Variants in RAB3B observed in about 807,000 individuals in gnomAD.
RAB3B encodes the protein ras-related protein Rab-3B.
RAB3B carries 11 observed loss-of-function variants against 20.5 expected under a neutral mutation model. The observed-to-expected ratio is 0.54, with a 90% CI of 0.34 to 0.89. The LOEUF (loss-of-function observed/expected upper bound fraction) is 0.89. RAB3B is among the 40% of genes least tolerant of loss of function. The pLI is 0.02. For synonymous variants in RAB3B, 99 were observed against 106.3 expected (o/e 0.93, Z 0.42); for missense variants, 225 against 280.9 (o/e 0.80, Z 1.42).
At chr1:51,937,190 T>C (rs1313991390) in intron 3 of RAB3B, 104 bp downstream of exon 3, 4 of 841,494 alleles carry the variant, frequency 4.8e-6, no homozygotes, top group Non-Finnish European at 7.6e-6. Context: ...CCAGTAACCA[T>C]GTCTGATTCA....
chr1:51,945,389 C>T (rs1015234632), intron 2 of RAB3B, among the ~76,000 whole-genome samples: 12 of 152,156 alleles, frequency 7.9e-5, no homozygotes, highest in African/African-American at 2.9e-4. Flanking sequence ...AATATTACTA[C>T]ACATTTAATA....
chr1:51,944,314 T>G (rs145212503), intron 2 of RAB3B, among the ~76,000 whole-genome samples: 115 of 152,312 alleles, frequency 7.6e-4, no homozygotes, highest in African/African-American at 2.7e-3. Flanking sequence ...TTCATAATAT[T>G]CCTGCTTATT....
chr1:51,936,087 G>A (rs1684399973), intron 3 of RAB3B, among the ~76,000 whole-genome samples: 1 of 152,148 alleles, frequency 6.6e-6, no homozygotes, highest in South Asian at 2.1e-4. Flanking sequence ...TCACCATTAG[G>A]CAAAAGGGAG....
chr1:51,974,759 A>G (rs1684984726), intron 2 of RAB3B, among the ~76,000 whole-genome samples: 1 of 152,236 alleles, frequency 6.6e-6, no homozygotes, highest in Non-Finnish European at 1.5e-5. Context: ...CCTGCAAAAC[A>G]GGAGTGTATT....
At chr1:51,985,129 C>T (rs1344586482) in intron 1 of RAB3B, among the ~76,000 whole-genome samples, 4 of 152,186 alleles carry the variant, frequency 2.6e-5, no homozygotes, top group Non-Finnish European at 4.4e-5. Flanking sequence ...AAGAGTAGTA[C>T]TATACGTAAA....
intron 1 of RAB3B, among the ~76,000 whole-genome samples, chr1:51,989,903 C>T (rs2124326694): frequency 1.3e-5 from 2 of 150,768 alleles, no homozygotes; most frequent in East Asian, 2.0e-4. Context: ...CCATAAATGA[C>T]CCTCTTTCGA....
At chr1:51,921,117 G>T (rs1408622095) in intron 4 of RAB3B, among the ~76,000 whole-genome samples, 1 of 152,168 alleles carries the variant, frequency 6.6e-6, no homozygotes, top group Non-Finnish European at 1.5e-5. Flanking sequence ...ATCTTGGTCA[G>T]CTTGGTGGCA....
chr1:51,929,743 C>T (rs1164538369), intron 4 of RAB3B, among the ~76,000 whole-genome samples: 1 of 152,146 alleles, frequency 6.6e-6, no homozygotes, highest in Non-Finnish European at 1.5e-5. Context: ...ACATACCATA[C>T]AATTCACCCA....
chr1:51,948,037 T>C (rs1194413242), intron 2 of RAB3B, among the ~76,000 whole-genome samples: 1 of 152,212 alleles, frequency 6.6e-6, no homozygotes, highest in Non-Finnish European at 1.5e-5. Flanking sequence ...TAAATCTAAT[T>C]CTTTACTCAT....
chr1:51,932,032 T>C (rs1391053170), intron 4 of RAB3B, among the ~76,000 whole-genome samples: 1 of 152,126 alleles, frequency 6.6e-6, no homozygotes, highest in African/African-American at 2.4e-5. Flanking sequence ...TGTGATAGTG[T>C]AGAGACAGCA....
rs1433289218 is a variant in RAB3B at position 51,914,596 on chromosome 1, C to T, written c.*5331G>A. On this transcript the variant is annotated 3_prime_UTR_variant, in exon 5 of 5. Coordinates refer to ENST00000371655, the MANE Select transcript of RAB3B (RefSeq NM_002867.4). ...ATGAATAAATAAATTTGAATTTTGT[C>T]TACTTCATATAATGGATCAGGACCT... is the stretch of plus-strand genomic sequence containing the variant. 19 of 152,110 alleles carry T rather than the reference C, an allele frequency of 1.2e-4. No homozygotes were observed. Among genetic ancestry groups the T allele is most frequent in the Admixed American group, 1.2e-3 (18 of 15,276 alleles). The allele number at this position is 152,110 out of a possible 1,614,324, so 9.4% of individuals were successfully genotyped here. A position where few individuals can be genotyped will look rare whatever the true frequency, so the allele number is the denominator to read the frequency against.
intron 4 of RAB3B, among the ~76,000 whole-genome samples, chr1:51,921,864 T>TC (rs1195612264): frequency 4.6e-5 from 7 of 152,156 alleles, no homozygotes; most frequent in Admixed American, 3.3e-4. Context: ...GGGATCTCTT[T>TC]CCCCCCTCCC....
At chr1:51,956,900 C>T (rs928309135) in intron 2 of RAB3B, among the ~76,000 whole-genome samples, 3 of 152,146 alleles carry the variant, frequency 2.0e-5, no homozygotes, top group Non-Finnish European at 4.4e-5. Context: ...TGCCTGAAGC[C>T]ATACAGCTGG....
intron 2 of RAB3B, among the ~76,000 whole-genome samples, chr1:51,940,316 T>G (rs755668106): frequency 6.6e-6 from 1 of 152,062 alleles, no homozygotes; most frequent in African/African-American, 2.4e-5. Context: ...CAGCACCAGA[T>G]AAGTGGTATA....
intron 4 of RAB3B, among the ~76,000 whole-genome samples, chr1:51,930,143 G>A (rs1168787129): frequency 6.6e-6 from 1 of 152,150 alleles, no homozygotes; most frequent in Non-Finnish European, 1.5e-5. Context: ...TTCTTCAAGT[G>A]CCTTCCTAAA....
intron 2 of RAB3B, among the ~76,000 whole-genome samples, chr1:51,972,657 A>G (rs971768363): frequency 6.6e-6 from 1 of 151,950 alleles, no homozygotes; most frequent in African/African-American, 2.4e-5. Flanking sequence ...AGTTTGCACT[A>G]TCTCTCCCCC....
intron 2 of RAB3B, among the ~76,000 whole-genome samples, chr1:51,954,590 C>G (rs948022558): frequency 3.3e-5 from 5 of 152,104 alleles, no homozygotes; most frequent in Non-Finnish European, 5.9e-5. Context: ...GAGTGGATCA[C>G]TGTTGTAGCT....
intron 1 of RAB3B, among the ~76,000 whole-genome samples, chr1:51,983,285 G>A (rs1208649074): frequency 2.0e-5 from 3 of 151,836 alleles, no homozygotes; most frequent in African/African-American, 7.3e-5. Context: ...TTGCACCACT[G>A]CATTCCAGCT....
chr1:51,932,255 AACTCTCC>A (rs1684336977), intron 4 of RAB3B, among the ~76,000 whole-genome samples: 1 of 152,136 alleles, frequency 6.6e-6, no homozygotes, highest in East Asian at 1.9e-4. Context: ...AGAGACTTTA[AACTCTCC>A]ACTCCTCAAT....
Sources: allele counts gnomAD v4.1 joint callset (sites outside exome capture counted in the v4.1 genomes callset), GRCh38; gene constraint gnomAD v4.1.1; transcripts MANE v1.5; gene names NCBI Gene and HGNC (gene_info 2026-07-23, HGNC 2026-07-21).